RGS7: variants seen among roughly 807,000 people sequenced by gnomAD.
RGS7 encodes the protein regulator of G protein signaling 7.
RGS7 carries 27 observed loss-of-function variants against 81.1 expected under a neutral mutation model. The ratio of observed to expected loss-of-function variants is 0.33; its 90% confidence interval spans 0.25 to 0.46. The LOEUF (loss-of-function observed/expected upper bound fraction) is 0.46, where lower values mean the gene tolerates loss of function less well. Ranked by LOEUF, RGS7 falls within the 20% of genes least tolerant of loss-of-function variation. The probability of loss-of-function intolerance (pLI) is 1.00; values close to 1 mark genes in which losing one functional copy is unlikely to be tolerated. For missense variants in RGS7, 396 were observed against 607.4 expected, an observed-to-expected ratio of 0.65 and a Z score of 3.66; for synonymous variants, 208 against 207.7, an observed-to-expected ratio of 1.00 and a Z score of -0.01.
intron 2 of RGS7, among the ~76,000 whole-genome samples, chr1:241,113,189 T>A (rs984609811): frequency 6.6e-6 from 1 of 152,184 alleles, no homozygotes; most frequent in Non-Finnish European, 1.5e-5. Context: ...AAAATCAGAA[T>A]GTCTAGTTGC....
intron 2 of RGS7, among the ~76,000 whole-genome samples, chr1:241,312,635 T>C (rs549552315): frequency 6.6e-6 from 1 of 152,268 alleles, no homozygotes; most frequent in South Asian, 2.1e-4. Flanking sequence ...TTCTGACTGC[T>C]CCACCAACCA....
At chr1:240,829,704 GGAGGATCACTT>G (rs892695586) in intron 9 of RGS7, among the ~76,000 whole-genome samples, 9 of 152,122 alleles carry the variant, frequency 5.9e-5, no homozygotes, top group African/African-American at 2.2e-4. Context: ...GGCTGAGGTG[GGAGGATCACTT>G]GCTTTGAGGA....
chr1:241,353,256 T>G (rs1049720432), intron 2 of RGS7, among the ~76,000 whole-genome samples: 1 of 152,206 alleles, frequency 6.6e-6, no homozygotes, highest in African/African-American at 2.4e-5. Context: ...AACACCCCTC[T>G]CCAATTATTG....
chr1:241,107,790 T>C (rs2065217705), intron 2 of RGS7, among the ~76,000 whole-genome samples: 1 of 152,144 alleles, frequency 6.6e-6, no homozygotes, highest in Non-Finnish European at 1.5e-5. Flanking sequence ...TTCTCTAATT[T>C]CCATACCTGA....
intron 18 of RGS7, among the ~76,000 whole-genome samples, chr1:240,796,552 G>A (rs2103032555): frequency 6.6e-6 from 1 of 152,236 alleles, no homozygotes; most frequent in African/African-American, 2.4e-5. Context: ...CGGGAGTGTT[G>A]GCGGGTGCCT....
chr1:240,780,548 G>A (rs1368205926), intron 18 of RGS7, among the ~76,000 whole-genome samples: 1 of 150,876 alleles, frequency 6.6e-6, no homozygotes. Context: ...TATAGTAGAA[G>A]ACTGGGGAAA....
At chr1:241,040,169 C>T (rs2060538478) in intron 3 of RGS7, among the ~76,000 whole-genome samples, 1 of 152,226 alleles carries the variant, frequency 6.6e-6, no homozygotes, top group Non-Finnish European at 1.5e-5. Context: ...CTTTAGACCC[C>T]TCTCAGCCTT....
chr1:241,097,834 T>C (rs1028228382), intron 3 of RGS7, among the ~76,000 whole-genome samples: 6 of 152,198 alleles, frequency 3.9e-5, no homozygotes, highest in Admixed American at 3.9e-4. Context: ...TCATTTTGGA[T>C]AATGATTCTT....
Position 241,046,787 on chromosome 1 carries a change from G to T in RGS7, c.175+51879C>A, listed in dbSNP as rs139234693. On this transcript the variant is annotated intron_variant, in intron 3 of 18. Transcript: ENST00000440928. ...CCATATATATCATCTGTAGACAGATGATTTTTCTGCTTGTCCTTAGCCACT... is the reference window on the plus strand; with the variant it reads ...CCATATATATCATCTGTAGACAGATTATTTTTCTGCTTGTCCTTAGCCACT... 4.1e-4 allele frequency among the ~76,000 whole-genome samples: 63 copies of T among 152,182 alleles called. No individual in the cohort carries two copies. In the East Asian group the frequency reaches 9.1e-3, roughly 22 times the overall value.
intron 2 of RGS7, among the ~76,000 whole-genome samples, chr1:241,224,807 G>A (rs1042840419): frequency 4.6e-5 from 7 of 152,110 alleles, no homozygotes; most frequent in African/African-American, 1.7e-4. Flanking sequence ...TCCATGGCAA[G>A]CTTTTCTGAA....
intron 2 of RGS7, among the ~76,000 whole-genome samples, chr1:241,153,712 C>T (rs1453931314): frequency 6.6e-6 from 1 of 152,260 alleles, no homozygotes; most frequent in Admixed American, 6.5e-5. Flanking sequence ...GAAACCTGAT[C>T]TCCTTGGCCT....
chr1:241,232,454 G>C (rs1383587239), intron 2 of RGS7, among the ~76,000 whole-genome samples: 3 of 152,014 alleles, frequency 2.0e-5, no homozygotes, highest in African/African-American at 7.3e-5. Context: ...CAATCCTCCT[G>C]TCTCAGCCTC....
chr1:240,817,542 T>G (rs1444737556), intron 10 of RGS7, among the ~76,000 whole-genome samples: 1 of 150,664 alleles, frequency 6.6e-6, no homozygotes, highest in East Asian at 1.9e-4. Context: ...GTATCTGTCT[T>G]GACTCTGTAT....
chr1:241,309,386 C>CAA (rs71571833), intron 2 of RGS7, among the ~76,000 whole-genome samples: 45,825 of 84,662 alleles, frequency 0.54, 11,695 homozygotes, highest in East Asian at 0.7. Context: ...AACTCCAACT[C>CAA]AAAAAAAAAA....
At chr1:241,325,361 C>T (rs1362910502) in intron 2 of RGS7, among the ~76,000 whole-genome samples, 1 of 152,188 alleles carries the variant, frequency 6.6e-6, no homozygotes, top group African/African-American at 2.4e-5. Flanking sequence ...ACACAGAACT[C>T]ATAGGCCAGG....
rs138314008 is a variant in RGS7, at chr1:240,814,883, G to A, written c.784-106C>T. On this transcript the variant is annotated intron_variant, in intron 11 of 18. Coordinates refer to ENST00000440928, the MANE Select transcript of RGS7 (RefSeq NM_001364886.1). ...AATTCTGAACAAGAGTATAGTCTAC[G>A]TCAGTACAATTTCAAAGTTGGTTAA... is the stretch of plus-strand genomic sequence containing the variant. 1.9e-4 allele frequency: 145 copies of A among 754,210 alleles called. 1 individual carries two copies. In the East Asian group the frequency reaches 3.2e-3, roughly 17 times the overall value. The allele number at this position is 754,210 out of a possible 1,614,324, so 46.7% of individuals were successfully genotyped here.
intron 9 of RGS7, among the ~76,000 whole-genome samples, chr1:240,836,181 C>T (rs2147854704): frequency 6.6e-6 from 1 of 151,980 alleles, no homozygotes; most frequent in East Asian, 1.9e-4. Flanking sequence ...CGGCTGTGGG[C>T]CGGGGAGAGG....
chr1:241,026,307 G>A (rs2059778112), intron 3 of RGS7, among the ~76,000 whole-genome samples: 1 of 152,116 alleles, frequency 6.6e-6, no homozygotes, highest in South Asian at 2.1e-4. Context: ...ATAATTTATT[G>A]CCGGGTGCGG....
intron 6 of RGS7, among the ~76,000 whole-genome samples, chr1:240,884,415 T>C (rs1178261513): frequency 1.3e-5 from 2 of 152,208 alleles, no homozygotes; most frequent in Non-Finnish European, 2.9e-5. Context: ...TCAAGGTAAC[T>C]TTATAAAACA....
Sources: allele counts gnomAD v4.1 joint callset (sites outside exome capture counted in the v4.1 genomes callset), GRCh38; gene constraint gnomAD v4.1.1; transcripts MANE v1.5; gene names NCBI Gene and HGNC (gene_info 2026-07-23, HGNC 2026-07-21).